The following CDH13 variants were observed in gnomAD, a reference collection of about 807,000 sequenced individuals.
CDH13 encodes cadherin 13.
In CDH13, 24 loss-of-function variants were observed where a neutral mutation model predicts 63.8. That is an observed-to-expected ratio of 0.38 (90% CI 0.27 to 0.53). The LOEUF (loss-of-function observed/expected upper bound fraction) is 0.53, where lower values mean the gene tolerates loss of function less well. CDH13 is among the 20% of genes least tolerant of loss of function. The pLI is 0.85. For missense variants in CDH13, 1,049 were observed against 903.1 expected, an observed-to-expected ratio of 1.16 and a Z score of -2.07; for synonymous variants, 503 against 355.3, an observed-to-expected ratio of 1.42 and a Z score of -4.67.
intron 1 of CDH13, among the ~76,000 whole-genome samples, chr16:82,666,846 C>A (rs1211030203): frequency 6.6e-6 from 1 of 152,166 alleles, no homozygotes; most frequent in Admixed American, 6.5e-5. Context: ...TCCCACCATC[C>A]AAACGATGCT....
intron 10 of CDH13, among the ~76,000 whole-genome samples, chr16:83,697,968 T>C (rs1905642315): frequency 6.6e-6 from 1 of 152,184 alleles, no homozygotes; most frequent in East Asian, 1.9e-4. Context: ...TTATAGGACA[T>C]AGCTATGGTG....
At position 83,548,882 on chromosome 16, in the gene CDH13, A is replaced by G. The variant is rs146176237; in HGVS notation, c.961-53572A>G. 2.0e-5 allele frequency among the ~76,000 whole-genome samples: 3 copies of G among 152,310 alleles called. No individual in the cohort carries two copies. In the East Asian group the frequency reaches 5.8e-4, roughly 29 times the overall value. On this transcript the variant is annotated intron_variant, in intron 7 of 13. Transcript: ENST00000567109. ...ATGGTTTTCCTGCCATCACTATTGC[A>G]AAATAGACAAGGGTAAAAGAAAGCC...
intron 10 of CDH13, among the ~76,000 whole-genome samples, chr16:83,686,929 C>A (rs1399056231): frequency 6.6e-6 from 1 of 152,108 alleles, no homozygotes; most frequent in African/African-American, 2.4e-5. Flanking sequence ...CATGGGTTGA[C>A]CGAATGCGGT....
At chr16:82,878,026 A>G (rs2040566762) in intron 2 of CDH13, among the ~76,000 whole-genome samples, 2 of 152,060 alleles carry the variant, frequency 1.3e-5, no homozygotes, top group Admixed American at 1.3e-4. Flanking sequence ...ATCGAAAGTA[A>G]GATATAGTAA....
intron 2 of CDH13, among the ~76,000 whole-genome samples, chr16:82,991,768 G>T (rs995490502): frequency 5.9e-5 from 9 of 152,132 alleles, no homozygotes; most frequent in Admixed American, 1.3e-4. Flanking sequence ...TAAACTGAGA[G>T]AATTATAGAA....
chr16:83,301,553 A>G (rs1386198889), intron 5 of CDH13, among the ~76,000 whole-genome samples: 5 of 152,038 alleles, frequency 3.3e-5, no homozygotes. Context: ...GAGCAGTGAA[A>G]CTGGTGGAGC....
chr16:83,401,202 G>T (rs1024563908), intron 6 of CDH13, among the ~76,000 whole-genome samples: 3 of 152,086 alleles, frequency 2.0e-5, no homozygotes, highest in Admixed American at 6.5e-5. Flanking sequence ...TTGGTGTGGT[G>T]GTGTGTGCGC....
At chr16:83,357,310 T>A (rs180803254) in intron 6 of CDH13, among the ~76,000 whole-genome samples, 1 of 152,136 alleles carries the variant, frequency 6.6e-6, no homozygotes, top group Non-Finnish European at 1.5e-5. Context: ...GGGGATGACT[T>A]GAATAGTAAC....
chr16:83,130,011 C>G (rs1459022199), intron 4 of CDH13, among the ~76,000 whole-genome samples: 1 of 152,150 alleles, frequency 6.6e-6, no homozygotes, highest in Non-Finnish European at 1.5e-5. Flanking sequence ...GAGGGAAAAC[C>G]TCTGAAATTC....
intron 6 of CDH13, among the ~76,000 whole-genome samples, chr16:83,460,497 C>G (rs753567011): frequency 5.9e-5 from 9 of 152,150 alleles, no homozygotes; most frequent in Non-Finnish European, 1.0e-4. Flanking sequence ...AAGCATAGCT[C>G]CGTACCCGGC....
chr16:83,169,547 A>G (rs2037833593), intron 4 of CDH13, among the ~76,000 whole-genome samples: 1 of 148,740 alleles, frequency 6.7e-6, no homozygotes, highest in Non-Finnish European at 1.5e-5. Context: ...GCCATTTAAA[A>G]AACAGTGGTA....
intron 5 of CDH13, among the ~76,000 whole-genome samples, chr16:83,324,141 A>AGTTCCTT (rs2090304878): frequency 6.6e-6 from 1 of 151,456 alleles, no homozygotes; most frequent in South Asian, 2.1e-4. Flanking sequence ...AGGTTCAAGT[A>AGTTCCTT]GTTCCTTGCC....
intron 5 of CDH13, among the ~76,000 whole-genome samples, chr16:83,321,569 C>T (rs908087876): frequency 2.8e-4 from 37 of 131,468 alleles, no homozygotes; most frequent in African/African-American, 1.0e-3. Context: ...CACTCTGTCG[C>T]CTAGGCTGGA....
intron 2 of CDH13, among the ~76,000 whole-genome samples, chr16:82,965,981 C>A (rs972131536): frequency 6.6e-6 from 1 of 152,150 alleles, no homozygotes; most frequent in Non-Finnish European, 1.5e-5. Flanking sequence ...ATGAAAATAT[C>A]CCTGTCAGCC....
At chr16:82,947,925 G>T (rs548447535) in intron 2 of CDH13, among the ~76,000 whole-genome samples, 137 of 152,296 alleles carry the variant, frequency 9.0e-4, no homozygotes, top group Non-Finnish European at 1.7e-3. Context: ...CATTTTAAGT[G>T]CCTCATCACT....
intron 3 of CDH13, among the ~76,000 whole-genome samples, chr16:83,116,573 G>T (rs4073882): frequency 0.55 from 83,967 of 152,092 alleles, 23,789 homozygotes; most frequent in African/African-American, 0.6. Flanking sequence ...CATGGTTTCT[G>T]TTCATGAAAT....
At chr16:82,683,008 C>T (rs1439341040) in intron 1 of CDH13, among the ~76,000 whole-genome samples, 1 of 152,308 alleles carries the variant, frequency 6.6e-6, no homozygotes, top group East Asian at 1.9e-4. Context: ...CAAGTTCCAG[C>T]CCCCACTTAT....
intron 4 of CDH13, among the ~76,000 whole-genome samples, chr16:83,176,857 G>A (rs2038146387): frequency 6.6e-6 from 1 of 152,140 alleles, no homozygotes. Context: ...TCTTAAGTCT[G>A]AGCGAGCCCT....
chr16:82,737,286 C>T (rs767550361), intron 1 of CDH13, among the ~76,000 whole-genome samples: 8 of 152,188 alleles, frequency 5.3e-5, no homozygotes, highest in Admixed American at 2.0e-4. Context: ...CAAGATGGAG[C>T]CCTCTCCCAT....
Sources: gnomAD v4.1 joint callset for allele counts (sites outside exome capture counted in the v4.1 genomes callset) on GRCh38, gnomAD v4.1.1 for gene constraint, MANE v1.5 for transcripts, NCBI Gene and HGNC (gene_info 2026-07-23, HGNC 2026-07-21) for gene names.